Variants in GRIK1 observed in about 807,000 individuals in gnomAD.
The protein encoded by GRIK1 is glutamate receptor ionotropic, kainate 1.
In GRIK1, 69 loss-of-function variants were observed where a neutral mutation model predicts 105.7. The ratio of observed to expected loss-of-function variants is 0.65; its 90% CI spans 0.54 to 0.80. The LOEUF (loss-of-function observed/expected upper bound fraction) is 0.80, where lower values mean the gene tolerates loss of function less well. Among genes scored for constraint, GRIK1 ranks in the 30% least tolerant of loss-of-function variants. The pLI, the probability that GRIK1 is intolerant of heterozygous loss-of-function variation, is 0.00. For missense variants in GRIK1, 1,109 were observed against 1,167.3 expected (o/e 0.95, Z 0.73); for synonymous variants, 438 against 431.3 (o/e 1.02, Z -0.19).
At chr21:29,730,556 A>G (rs547538241) in intron 1 of GRIK1, among the ~76,000 whole-genome samples, 1 of 152,352 alleles carries the variant, frequency 6.6e-6, no homozygotes, top group South Asian at 2.1e-4. Context: ...GCTCACAGAT[A>G]TAGCTATGGG....
At chr21:29,599,381 T>C (rs1009516994) in intron 7 of GRIK1, among the ~76,000 whole-genome samples, 11 of 152,260 alleles carry the variant, frequency 7.2e-5, no homozygotes, top group African/African-American at 2.7e-4. Flanking sequence ...GTTTTTAGGC[T>C]GTTTATGACT....
At chr21:29,602,767 C>T (rs1025984039) in intron 7 of GRIK1, among the ~76,000 whole-genome samples, 3 of 152,122 alleles carry the variant, frequency 2.0e-5, no homozygotes, top group Admixed American at 6.5e-5. Context: ...TTTATAAAGG[C>T]GTTATGAAGC....
intron 12 of GRIK1, among the ~76,000 whole-genome samples, chr21:29,584,986 A>C (rs572398179): frequency 1.3e-5 from 2 of 152,188 alleles, no homozygotes; most frequent in Admixed American, 6.5e-5. Context: ...TGAAAGTAGA[A>C]TCTTCATGAC....
At chr21:29,750,457 G>A (rs2065165006) in intron 1 of GRIK1, among the ~76,000 whole-genome samples, 1 of 152,144 alleles carries the variant, frequency 6.6e-6, no homozygotes, top group African/African-American at 2.4e-5. Flanking sequence ...AAAAGATGTA[G>A]CAATTTTACC....
chr21:29,656,127 A>G (rs192272271), intron 4 of GRIK1, among the ~76,000 whole-genome samples: 1 of 151,386 alleles, frequency 6.6e-6, no homozygotes, highest in East Asian at 1.9e-4. Flanking sequence ...CTTTGGGAGG[A>G]TGAGGCGGGC....
At chr21:29,835,727 C>T (rs1257467853) in intron 1 of GRIK1, among the ~76,000 whole-genome samples, 1 of 152,102 alleles carries the variant, frequency 6.6e-6, no homozygotes, top group Non-Finnish European at 1.5e-5. Context: ...TACTTTTGCC[C>T]TGTTGTTTGC....
At chr21:29,662,144 A>G (rs1262353046) in intron 4 of GRIK1, among the ~76,000 whole-genome samples, 7 of 152,238 alleles carry the variant, frequency 4.6e-5, no homozygotes, top group Admixed American at 1.3e-4. Context: ...GGAAGCTCAT[A>G]CTAATAGATA....
intron 10 of GRIK1, 120 bp from the exon 11 acceptor site, chr21:29,589,162 T>C (rs1447600014): frequency 3.1e-6 from 2 of 635,042 alleles, no homozygotes; most frequent in Admixed American, 5.4e-5. Flanking sequence ...AGTACTGAAG[T>C]CATTCACTCA....
chr21:29,803,044 TGTAGTTTTTTTTC>T, intron 1 of GRIK1, among the ~76,000 whole-genome samples: 1 of 152,106 alleles, frequency 6.6e-6, no homozygotes, highest in Non-Finnish European at 1.5e-5. Flanking sequence ...TACATAATGC[TGTAGTTTTTTTTC>T]ACACTCTAAT....
intron 1 of GRIK1, among the ~76,000 whole-genome samples, chr21:29,717,100 A>G (rs1569008946): frequency 6.6e-6 from 1 of 152,250 alleles, no homozygotes. Flanking sequence ...TTGAGGCTGT[A>G]GGTGCACAGA....
chr21:29,642,624 A>T (rs569897634), intron 7 of GRIK1, among the ~76,000 whole-genome samples: 3 of 152,228 alleles, frequency 2.0e-5, no homozygotes, highest in Non-Finnish European at 2.9e-5. Context: ...GCGTCACTGA[A>T]CTTCTCAGCA....
chr21:29,905,429 A>G (rs2070577743), intron 1 of GRIK1, among the ~76,000 whole-genome samples: 1 of 146,530 alleles, frequency 6.8e-6, no homozygotes, highest in African/African-American at 2.5e-5. Flanking sequence ...TATATTATAT[A>G]TATTTTAATT....
At chr21:29,777,023 G>T (rs376180443) in intron 1 of GRIK1, among the ~76,000 whole-genome samples, 3 of 152,246 alleles carry the variant, frequency 2.0e-5, no homozygotes, top group African/African-American at 7.2e-5. Context: ...TTAGCCTAAG[G>T]AAGAAGATCT....
chr21:29,761,588 A>G (rs1295155699), intron 1 of GRIK1, among the ~76,000 whole-genome samples: 2 of 152,190 alleles, frequency 1.3e-5, no homozygotes, highest in Non-Finnish European at 2.9e-5. Context: ...AAGTTCTTAT[A>G]TTTCACAAGG....
At chr21:29,909,866 G>A (rs150902645) in intron 1 of GRIK1, among the ~76,000 whole-genome samples, 25 of 152,202 alleles carry the variant, frequency 1.6e-4, no homozygotes, top group Middle Eastern at 3.4e-3. Context: ...ATTACATGAC[G>A]AGTATAACTT....
At chr21:29,874,106 T>A (rs948368856) in intron 1 of GRIK1, among the ~76,000 whole-genome samples, 2 of 152,160 alleles carry the variant, frequency 1.3e-5, no homozygotes, top group Non-Finnish European at 2.9e-5. Flanking sequence ...GAAGATTCGC[T>A]CACTCGCCTG....
chr21:29,810,921 C>T (rs903128734), intron 1 of GRIK1, among the ~76,000 whole-genome samples: 6 of 152,096 alleles, frequency 3.9e-5, no homozygotes, highest in Non-Finnish European at 8.8e-5. Flanking sequence ...AGAATGAGAA[C>T]ATAACACACC....
At chr21:29,804,119 T>C (rs2145865984) in intron 1 of GRIK1, among the ~76,000 whole-genome samples, 1 of 152,114 alleles carries the variant, frequency 6.6e-6, no homozygotes, top group African/African-American at 2.4e-5. Context: ...CCAGCTCAGC[T>C]TTTTCTTTGA....
intron 1 of GRIK1, among the ~76,000 whole-genome samples, chr21:29,891,112 A>C (rs1000895620): frequency 6.6e-6 from 1 of 152,168 alleles, no homozygotes; most frequent in Non-Finnish European, 1.5e-5. Context: ...ATTAAGATAC[A>C]AGTTCTGTCA....
Sources: gnomAD v4.1 joint callset for allele counts (sites outside exome capture counted in the v4.1 genomes callset) on GRCh38, gnomAD v4.1.1 for gene constraint, MANE v1.5 for transcripts, NCBI Gene and HGNC (gene_info 2026-07-23, HGNC 2026-07-21) for gene names.